The following TRABD2B variants were observed in gnomAD, a reference collection of about 807,000 sequenced individuals.
TRABD2B encodes metalloprotease TIKI2.
TRABD2B carries 14 observed loss-of-function variants against 40.1 expected under a neutral mutation model. The observed-to-expected ratio is 0.35, with a 90% CI of 0.23 to 0.55. The LOEUF (loss-of-function observed/expected upper bound fraction) is 0.55. Among genes scored for constraint, TRABD2B ranks in the 20% least tolerant of loss-of-function variants. The pLI is 0.90. For synonymous variants in TRABD2B, 263 were observed against 277.0 expected (o/e 0.95, Z 0.50); for missense variants, 541 against 648.6 (o/e 0.83, Z 1.80).
At chr1:47,811,816 G>A (rs1644969228) in intron 2 of TRABD2B, among the ~76,000 whole-genome samples, 1 of 152,220 alleles carries the variant, frequency 6.6e-6, no homozygotes, top group South Asian at 2.1e-4. Flanking sequence ...CTGGGCCACA[G>A]GGTTCCTCTG....
At chr1:47,919,053 T>C (rs1422310823) in intron 2 of TRABD2B, among the ~76,000 whole-genome samples, 1 of 152,180 alleles carries the variant, frequency 6.6e-6, no homozygotes, top group Non-Finnish European at 1.5e-5. Flanking sequence ...GCTCCCGCGG[T>C]CCGCCAAGCT....
At chr1:47,931,563 A>G (rs1645040263) in intron 2 of TRABD2B, among the ~76,000 whole-genome samples, 1 of 152,092 alleles carries the variant, frequency 6.6e-6, no homozygotes, top group African/African-American at 2.4e-5. Context: ...GCATACATGC[A>G]TGGGTTCCTG....
In TRABD2B at chr1:47,959,489, C is replaced by T. The variant is rs555876736; in HGVS notation, c.666+34545G>A. Among the ~76,000 whole-genome samples the T allele has an allele frequency of 5.9e-5, 9 of 151,964 alleles. No individual in the cohort carries two copies. In the South Asian group the frequency reaches 1.0e-3, roughly 18 times the overall value. On this transcript the variant is annotated intron_variant, in intron 2 of 6. Transcript: ENST00000606738. ...AGACTAATAAAGAAGAAAGGAGAGA[C>T]GAATCAAATAGATGCAATAAAAAAA...
intron 2 of TRABD2B, among the ~76,000 whole-genome samples, chr1:47,927,084 C>T (rs1265798326): frequency 6.6e-6 from 1 of 152,126 alleles, no homozygotes; most frequent in East Asian, 1.9e-4. Flanking sequence ...GCCTTGAAGA[C>T]CTTTGGAGGG....
At chr1:47,931,653 C>CCG (rs1645041743) in intron 2 of TRABD2B, among the ~76,000 whole-genome samples, 4 of 152,152 alleles carry the variant, frequency 2.6e-5, no homozygotes, top group Admixed American at 1.3e-4. Flanking sequence ...CATCTCCCAG[C>CCG]CATACCTGCC....
intron 2 of TRABD2B, among the ~76,000 whole-genome samples, chr1:47,837,122 C>G (rs1374126925): frequency 6.6e-6 from 1 of 152,196 alleles, no homozygotes; most frequent in East Asian, 1.9e-4. Context: ...AAAGTTCACA[C>G]CACAGGGGAG....
At chr1:47,801,711 A>C (rs1174139319) in intron 2 of TRABD2B, 92 bp from the exon 3 acceptor site, 2 of 1,420,288 alleles carry the variant, frequency 1.4e-6, no homozygotes, top group Admixed American at 4.6e-5. Context: ...ACTTCAGAGC[A>C]ACAGGCCTGA....
chr1:47,774,775 C>T (rs956279783), intron 6 of TRABD2B, among the ~76,000 whole-genome samples: 1 of 152,246 alleles, frequency 6.6e-6, no homozygotes, highest in African/African-American at 2.4e-5. Context: ...CGGCTACTCA[C>T]AGCTTCTAGG....
chr1:47,978,929 G>A (rs531549084), intron 2 of TRABD2B, among the ~76,000 whole-genome samples: 2 of 152,200 alleles, frequency 1.3e-5, no homozygotes, highest in Non-Finnish European at 2.9e-5. Flanking sequence ...GGGAAGAGCT[G>A]GGAAGTTTCC....
intron 2 of TRABD2B, among the ~76,000 whole-genome samples, chr1:47,901,144 A>C (rs899713306): frequency 1.3e-5 from 2 of 152,200 alleles, no homozygotes; most frequent in Non-Finnish European, 2.9e-5. Context: ...GAAACCTAAT[A>C]TCTCTCCTCT....
rs1644998101 is a variant in TRABD2B at position 47,814,000 on chromosome 1, G to A, written c.667-12381C>T. Among the ~76,000 whole-genome samples, 1 of 152,254 alleles carries A rather than the reference G, an allele frequency of 6.6e-6. No homozygotes were observed. The highest frequency in any genetic ancestry group is 1.5e-5 in the Non-Finnish European group (1 of 68,044). ...AAGGCTGGGGCTAAGGGATGGACAA[G>A]GTGCTGTGAGAGTCCAGCAAATGTG... On this transcript the variant is annotated intron_variant, in intron 2 of 6. Coordinates refer to ENST00000606738, the MANE Select transcript of TRABD2B (RefSeq NM_001194986.2). This position sits in a 1 kb window ranked among gnomAD's most constrained non-coding sequence, Gnocchi z 4.3.
At chr1:47,768,519 C>T (rs888679652) in intron 6 of TRABD2B, among the ~76,000 whole-genome samples, 2 of 152,174 alleles carry the variant, frequency 1.3e-5, no homozygotes, top group Non-Finnish European at 2.9e-5. Flanking sequence ...CTTCGAAGGC[C>T]AGACTCAATG....
chr1:47,938,290 A>C (rs1325166912), intron 2 of TRABD2B, among the ~76,000 whole-genome samples: 1 of 152,262 alleles, frequency 6.6e-6, no homozygotes, highest in African/African-American at 2.4e-5. Flanking sequence ...AGAGAGGCCA[A>C]GCAAGAGTAA....
At chr1:47,948,327 G>T (rs1645288615) in intron 2 of TRABD2B, among the ~76,000 whole-genome samples, 1 of 152,138 alleles carries the variant, frequency 6.6e-6, no homozygotes, top group Non-Finnish European at 1.5e-5. Flanking sequence ...CTTTGCAAAA[G>T]GTACAAGGAG....
intron 2 of TRABD2B, among the ~76,000 whole-genome samples, chr1:47,968,059 G>T (rs77249706): frequency 0.024 from 3,713 of 152,298 alleles, 116 homozygotes; most frequent in Admixed American, 0.088. Flanking sequence ...TGAGCATGTG[G>T]TGGGCACCAC....
chr1:47,966,714 G>A lies in TRABD2B; in HGVS notation c.666+27320C>T, dbSNP rs553178337. Reference sequence around the variant, plus strand: ...GAGGTCAGGAGTTTGAGACCACCCTGGCCAACATGGTGAAACCCCATCTCT... The same window carrying A: ...GAGGTCAGGAGTTTGAGACCACCCTAGCCAACATGGTGAAACCCCATCTCT... On this transcript the variant is annotated intron_variant, in intron 2 of 6. Coordinates refer to ENST00000606738, the MANE Select transcript of TRABD2B (RefSeq NM_001194986.2). 2.0e-4 allele frequency among the ~76,000 whole-genome samples: 31 copies of A among 152,128 alleles called. No homozygotes were observed. The South Asian group carries it at 5.0e-3, about 24-fold the overall frequency.
chr1:47,951,401 T>C (rs1645342066), intron 2 of TRABD2B, among the ~76,000 whole-genome samples: 1 of 152,148 alleles, frequency 6.6e-6, no homozygotes, highest in Non-Finnish European at 1.5e-5. Flanking sequence ...GATAAATAAA[T>C]AAACCTTGGT....
At chr1:47,935,808 C>T (rs1434531046) in intron 2 of TRABD2B, among the ~76,000 whole-genome samples, 1 of 152,218 alleles carries the variant, frequency 6.6e-6, no homozygotes, top group Non-Finnish European at 1.5e-5. Flanking sequence ...ATATTTCATG[C>T]CCACGCATCC....
intron 2 of TRABD2B, among the ~76,000 whole-genome samples, chr1:47,989,174 G>A (rs1388393147): frequency 6.6e-6 from 1 of 152,204 alleles, no homozygotes; most frequent in African/African-American, 2.4e-5. Flanking sequence ...AGAACTGTGA[G>A]CCATAATTTC....
Sources: gnomAD v4.1 joint callset for allele counts (sites outside exome capture counted in the v4.1 genomes callset) on GRCh38, gnomAD v4.1.1 for gene constraint, Gnocchi (gnomAD v3.1) non-coding constraint, MANE v1.5 for transcripts, NCBI Gene and HGNC (gene_info 2026-07-23, HGNC 2026-07-21) for gene names.